C7: variants seen among roughly 807,000 people sequenced by gnomAD.
The protein encoded by C7 is complement component C7.
In C7, 83 loss-of-function variants were observed where a neutral mutation model predicts 104.8. The ratio of observed to expected loss-of-function variants is 0.79; its 90% CI spans 0.66 to 0.95. C7 has a LOEUF of 0.95. Ranked by LOEUF, C7 falls within the 40% of genes least tolerant of loss-of-function variation. C7 has a pLI of 0.00. For missense variants in C7, 1,070 were observed against 1,011.2 expected (o/e 1.06, Z -0.79); for synonymous variants, 415 against 360.6 (o/e 1.15, Z -1.71).
chr5:40,974,851 T>A (rs1348971913), intron 15 of C7, among the ~76,000 whole-genome samples: 1 of 152,232 alleles, frequency 6.6e-6, no homozygotes, highest in Non-Finnish European at 1.5e-5. Flanking sequence ...ACATCTAGAT[T>A]AAGGCTTCTC....
In C7 at chr5:40,952,346, T is replaced by C. The variant is rs150643294; in HGVS notation, c.1093+2332T>C. ...AAATGCATAAAATTTGGCTTAACAG[T>C]CTGGGGTCTTGACTTGCATTGGGCT... is the stretch of plus-strand genomic sequence containing the variant. On this transcript the variant is annotated intron_variant, in intron 9 of 17. Coordinates refer to ENST00000313164, the MANE Select transcript of C7 (RefSeq NM_000587.4). Among the ~76,000 whole-genome samples, 514 of 152,248 alleles carry C rather than the reference T, an allele frequency of 3.4e-3. 4 individuals carry two copies. The highest frequency in any genetic ancestry group is 0.012 in the African/African-American group (498 of 41,568).
Position 40,957,635 on chromosome 5 carries a change from A to G in C7, c.1261-398A>G, listed in dbSNP as rs182941760. Among the ~76,000 whole-genome samples the G allele has an allele frequency of 4.0e-3, 601 of 151,984 alleles. 3 individuals carry two copies. The highest frequency in any genetic ancestry group is 7.5e-3 in the Admixed American group (114 of 15,258). On this transcript the variant is annotated intron_variant, in intron 10 of 17. Transcript: ENST00000313164. ...CACACCCTGCTAATTTTGTATTTTT[A>G]GTAGAGACGGGGTTTCTCCATGTTG... is the stretch of plus-strand genomic sequence containing the variant.
Position 40,972,463 on chromosome 5 carries a change from T to C in C7, c.1943T>C (p.Phe648Ser), listed in dbSNP as rs368145336. Reference sequence around the variant, plus strand: ...ATACAGAGTCACCCCCAAAAACCTTTCTACACAGTTGGTGAGAAGGTGACT... The same window carrying C: ...ATACAGAGTCACCCCCAAAAACCTTCCTACACAGTTGGTGAGAAGGTGACT... The part of the protein sequence containing the change: ...DGIQSHPQKP[F>S]YTVGEKVTVS... The change falls in exon 15 of 18, where the codon TTC becomes TCC. Residue 648 changes from phenylalanine (F) to serine (S), a missense_variant. Physicochemically the swap from Phe to Ser is radical, Grantham distance 155 (BLOSUM62 -2). Coordinates refer to ENST00000313164, the MANE Select transcript of C7 (RefSeq NM_000587.4). 6.2e-7 allele frequency: 1 copy of C among 1,613,906 alleles called. No homozygotes were observed. Among genetic ancestry groups the C allele is most frequent in the Non-Finnish European group, 8.5e-7 (1 of 1,179,804 alleles).
chr5:40,953,639 CAA>C (rs397961480), intron 9 of C7, among the ~76,000 whole-genome samples: 4 of 104,122 alleles, frequency 3.8e-5, no homozygotes, highest in Non-Finnish European at 3.7e-5. Flanking sequence ...GACTCTGTCT[CAA>C]AAAAAAAAAA....
At chr5:40,963,957 T>C (rs1740485948) in intron 13 of C7, among the ~76,000 whole-genome samples, 1 of 151,630 alleles carries the variant, frequency 6.6e-6, no homozygotes, top group South Asian at 2.1e-4. Context: ...GGAAAATTTC[T>C]GGGTGTTCAT....
chr5:40,952,410 C>A (rs992096806), intron 9 of C7, among the ~76,000 whole-genome samples: 9 of 152,084 alleles, frequency 5.9e-5, no homozygotes, highest in African/African-American at 2.2e-4. Context: ...GAACAGAGAG[C>A]TCACTGGGGT....
chr5:40,979,979 G>C, intron 17 of C7, 70 bp downstream of exon 17: 1 of 1,387,304 alleles, frequency 7.2e-7, no homozygotes. Flanking sequence ...AAAAAATGTG[G>C]TTTCTAGTTT....
intron 4 of C7, 146 bp from the exon 5 acceptor site, chr5:40,936,192 T>C: frequency 1.6e-6 from 1 of 634,188 alleles, no homozygotes; most frequent in Admixed American, 3.0e-5. Context: ...CACTAGTCCT[T>C]TCCGAGACAC....
intron 3 of C7, among the ~76,000 whole-genome samples, chr5:40,932,296 TTTAAG>T (rs1238806247): frequency 6.6e-6 from 1 of 152,176 alleles, no homozygotes; most frequent in Non-Finnish European, 1.5e-5. Flanking sequence ...TTGTTTGATA[TTTAAG>T]TTGTTTCCAT....
intron 7 of C7, among the ~76,000 whole-genome samples, chr5:40,946,415 T>C (rs994995237): frequency 5.3e-5 from 8 of 152,164 alleles, no homozygotes; most frequent in African/African-American, 1.9e-4. Context: ...ATAAGGAATA[T>C]TGATTTTATT....
intron 1 of C7, among the ~76,000 whole-genome samples, chr5:40,914,653 C>CAGG (rs1374165023): frequency 6.6e-6 from 1 of 152,042 alleles, no homozygotes; most frequent in African/African-American, 2.4e-5. Context: ...AGGTGAGAGA[C>CAGG]AGGAGGACCT....
chr5:40,958,233 G>T lies in C7; in HGVS notation c.1461G>T (p.Glu487Asp). The change falls in exon 11 of 18, where the codon GAG becomes GAT. Residue 487 changes from glutamate to aspartate, a missense_variant. Glu to Asp is a conservative substitution (Grantham distance 45). Coordinates refer to ENST00000313164, the MANE Select transcript of C7 (RefSeq NM_000587.4). The part of the protein sequence containing the change: ...CKPYTFGAAC[E>D]QGVLVGNQAG... Reference sequence around the variant, plus strand: ...CGTACACATTTGGTGCGGCGTGTGAGCAAGGAGTCCTCGTAGGGAATCAAG... The same window carrying T: ...CGTACACATTTGGTGCGGCGTGTGATCAAGGAGTCCTCGTAGGGAATCAAG... The T allele has an allele frequency of 6.2e-7, 1 of 1,610,226 alleles. No homozygotes were observed. The highest frequency in any genetic ancestry group is 2.2e-5 in the East Asian group (1 of 44,854).
intron 1 of C7, among the ~76,000 whole-genome samples, chr5:40,911,498 C>T (rs1296275210): frequency 6.6e-6 from 1 of 152,144 alleles, no homozygotes; most frequent in African/African-American, 2.4e-5. Context: ...TCCGTCCCTC[C>T]AGGAGAGAGC....
chr5:40,978,613 TA>T (rs1179393194), intron 16 of C7, among the ~76,000 whole-genome samples: 27 of 152,200 alleles, frequency 1.8e-4, no homozygotes, highest in Non-Finnish European at 2.9e-5. Context: ...TTCTGTTTTA[TA>T]AATAACTCCA....
Position 40,955,408 on chromosome 5 carries a change from G to A in C7, c.1115G>A (p.Arg372Gln), listed in dbSNP as rs976896424. 1.3e-5 allele frequency: 21 copies of A among 1,609,790 alleles called. No homozygotes were observed. The highest frequency in any genetic ancestry group is 1.0e-4 in the South Asian group (9 of 90,138). The change falls in exon 10 of 18, where the codon CGA becomes CAA. Residue 372 changes from arginine (R) to glutamine (Q), a missense_variant. Arg to Gln is a conservative substitution (Grantham distance 43). Transcript: ENST00000313164. ...ATAGGAACCCAGAACAATGTATTGC[G>A]AGGAGAACCGTTCATCAGAGGGGGA... ...AASGTQNNVL[R>Q]GEPFIRGGGA...
intron 1 of C7, among the ~76,000 whole-genome samples, chr5:40,923,934 G>A (rs112016444): frequency 0.23 from 34,397 of 151,768 alleles, 4,080 homozygotes; most frequent in East Asian, 0.31. Flanking sequence ...GATTTGAAAG[G>A]GACATCTAAA....
chr5:40,935,329 ATTTC>A (rs966405744), intron 4 of C7, among the ~76,000 whole-genome samples: 2 of 152,110 alleles, frequency 1.3e-5, no homozygotes, highest in African/African-American at 2.4e-5. Context: ...CATGAATTAT[ATTTC>A]TTACATGTTG....
rs1740088068 is a variant in C7 at position 40,947,941 on chromosome 5, G to C, written c.982+96G>C. 4.0e-6 allele frequency: 5 copies of C among 1,253,956 alleles called. No homozygotes were observed. In the East Asian group the frequency reaches 1.2e-4, roughly 29 times the overall value. The allele number at this position is 1,253,956 out of a possible 1,614,324, so 77.7% of individuals were successfully genotyped here. A position where few individuals can be genotyped will look rare whatever the true frequency, so the allele number is the denominator to read the frequency against. On this transcript the variant is annotated intron_variant, in intron 8 of 17. Coordinates refer to ENST00000313164, the MANE Select transcript of C7 (RefSeq NM_000587.4). The stretch of plus-strand genomic sequence containing the variant: ...TGTAAGCTTTTGAGCTTTAAAATTT[G>C]ACAAACAGAAATTTAAATTGCAAAG...
intron 7 of C7, among the ~76,000 whole-genome samples, chr5:40,946,340 C>T (rs1042811524): frequency 3.5e-4 from 53 of 152,112 alleles, no homozygotes; most frequent in Non-Finnish European, 2.1e-4. Flanking sequence ...AATTATTATT[C>T]ACAATCTGCA....
Sources: allele counts gnomAD v4.1 joint callset (sites outside exome capture counted in the v4.1 genomes callset), GRCh38; gene constraint gnomAD v4.1.1; transcripts MANE v1.5; gene names NCBI Gene and HGNC (gene_info 2026-07-23, HGNC 2026-07-21).